CNTN4: variants seen among roughly 807,000 people sequenced by gnomAD.
The protein encoded by CNTN4 is contactin 4, also known as contactin-4.
Under a neutral mutation model 122.5 loss-of-function variants are expected in CNTN4, and 77 were observed. That is an observed-to-expected ratio of 0.63 (90% CI 0.52 to 0.76). CNTN4 has a LOEUF of 0.76. Ranked by LOEUF, CNTN4 falls within the 30% of genes least tolerant of loss-of-function variation. The pLI is 0.00. For synonymous variants in CNTN4, 512 were observed against 447.0 expected, an observed-to-expected ratio of 1.15 and a Z score of -1.83; for missense variants, 1,256 against 1,259.1, an observed-to-expected ratio of 1.00 and a Z score of 0.04.
intron 2 of CNTN4, among the ~76,000 whole-genome samples, chr3:2,338,774 C>G (rs532194988): frequency 6.6e-6 from 1 of 151,888 alleles, no homozygotes; most frequent in Non-Finnish European, 1.5e-5. Flanking sequence ...ATTCATATAC[C>G]TAACAAAAAC....
At chr3:2,153,299 T>C (rs911752089) in intron 2 of CNTN4, among the ~76,000 whole-genome samples, 1 of 152,104 alleles carries the variant, frequency 6.6e-6, no homozygotes, top group Non-Finnish European at 1.5e-5. Flanking sequence ...ATCATTACAA[T>C]GTCTGGAAGA....
chr3:2,520,972 A>T (rs1188253541), intron 3 of CNTN4, among the ~76,000 whole-genome samples: 1 of 152,142 alleles, frequency 6.6e-6, no homozygotes, highest in Non-Finnish European at 1.5e-5. Context: ...AAACAAAATT[A>T]CTACCCTTAC....
chr3:2,291,017 A>G (rs2042112932), intron 2 of CNTN4, among the ~76,000 whole-genome samples: 1 of 152,330 alleles, frequency 6.6e-6, no homozygotes, highest in East Asian at 1.9e-4. Context: ...CCAACTATAT[A>G]TATTGAGTGT....
chr3:2,203,730 T>C (rs1469056168), intron 2 of CNTN4, among the ~76,000 whole-genome samples: 2 of 152,100 alleles, frequency 1.3e-5, no homozygotes, highest in Admixed American at 1.3e-4. Flanking sequence ...CTAGAACATA[T>C]CCAGGTACAT....
At chr3:2,185,789 G>A (rs948828445) in intron 2 of CNTN4, among the ~76,000 whole-genome samples, 4 of 152,106 alleles carry the variant, frequency 2.6e-5, no homozygotes, top group Non-Finnish European at 5.9e-5. Context: ...GAATATTTGG[G>A]AGATTCTAAG....
chr3:2,580,628 G>A (rs1271799922), intron 4 of CNTN4, among the ~76,000 whole-genome samples: 2 of 152,074 alleles, frequency 1.3e-5, no homozygotes, highest in Non-Finnish European at 2.9e-5. Flanking sequence ...GGATGATGTA[G>A]CCCCACTTAA....
At chr3:2,338,844 C>T (rs1575409979) in intron 2 of CNTN4, among the ~76,000 whole-genome samples, 1 of 152,210 alleles carries the variant, frequency 6.6e-6, no homozygotes, top group South Asian at 2.1e-4. Flanking sequence ...AATGTACCCT[C>T]TTAAGAAATT....
chr3:2,756,913 A>G (rs543058806), intron 6 of CNTN4, among the ~76,000 whole-genome samples: 5 of 152,240 alleles, frequency 3.3e-5, no homozygotes, highest in African/African-American at 1.2e-4. Context: ...TTTTTAAGCC[A>G]TTCAATCTGT....
In CNTN4 at chr3:3,040,277, G is replaced by C; in HGVS notation, c.2398+6G>C. On this transcript the variant is annotated splice_donor_region_variant and intron_variant, in intron 20 of 24. Coordinates refer to ENST00000418658, the MANE Select transcript of CNTN4 (RefSeq NM_175607.3). ...GGTGTATTCTGCAGAAGAAGGTATC[G>C]TTTATGCTGCCTAGATCATTGACTG... is the stretch of plus-strand genomic sequence containing the variant. 6.4e-7 allele frequency: 1 copy of C among 1,572,454 alleles called. No homozygotes were observed. The highest frequency in any genetic ancestry group is 1.3e-5 in the African/African-American group (1 of 74,236).
At chr3:2,886,391 G>A (rs983614205) in intron 9 of CNTN4, among the ~76,000 whole-genome samples, 8 of 134,792 alleles carry the variant, frequency 5.9e-5, no homozygotes, top group Admixed American at 1.5e-4. Context: ...GTGATACTCC[G>A]TCTCAAAATA....
intron 3 of CNTN4, among the ~76,000 whole-genome samples, chr3:2,518,982 A>AAT (rs2077120052): frequency 6.6e-6 from 1 of 152,148 alleles, no homozygotes; most frequent in Non-Finnish European, 1.5e-5. Flanking sequence ...AAATAACTAA[A>AAT]ATATATGGGG....
chr3:2,451,723 A>C lies in CNTN4; in HGVS notation c.-89+112490A>C, dbSNP rs368182703. On this transcript the variant is annotated intron_variant, in intron 3 of 24. Coordinates refer to ENST00000418658, the MANE Select transcript of CNTN4 (RefSeq NM_175607.3). Reference sequence around the variant, plus strand: ...TTGAGTTTTTTGCGCTGATGAAGTAAGTATTCCATTTTCATGGTCCCTTCA... The same window carrying C: ...TTGAGTTTTTTGCGCTGATGAAGTACGTATTCCATTTTCATGGTCCCTTCA... Among the ~76,000 whole-genome samples the C allele has an allele frequency of 1.3e-3, 205 of 152,254 alleles. 2 individuals are homozygous for C. In the Middle Eastern group the frequency reaches 0.02, roughly 15 times the overall value.
intron 2 of CNTN4, among the ~76,000 whole-genome samples, chr3:2,316,003 G>A (rs957104676): frequency 6.6e-6 from 1 of 151,756 alleles, no homozygotes; most frequent in Non-Finnish European, 1.5e-5. Flanking sequence ...CTAACTTCTG[G>A]TATTATTTGG....
intron 3 of CNTN4, among the ~76,000 whole-genome samples, chr3:2,482,534 C>T (rs992380629): frequency 6.6e-6 from 1 of 152,132 alleles, no homozygotes; most frequent in Non-Finnish European, 1.5e-5. Flanking sequence ...GGAAACTGTC[C>T]CCAGGGTATG....
chr3:2,162,868 G>C (rs1042410580), intron 2 of CNTN4, among the ~76,000 whole-genome samples: 1 of 152,084 alleles, frequency 6.6e-6, no homozygotes, highest in Non-Finnish European at 1.5e-5. Context: ...AGGCAGAGGC[G>C]GGTGGGTGGC....
rs374844178 is a variant in CNTN4 at position 2,887,117 on chromosome 3, G to C, written c.833G>C (p.Gly278Ala). The stretch of plus-strand genomic sequence containing the variant: ...AAAGCCAGAAGACACAAGTCAAATG[G>C]AATTCTTGAGATCCCTAATTTTCAG... Reference protein sequence around the residue: ...ARKARRHKSNGILEIPNFQQE... With the variant: ...ARKARRHKSNAILEIPNFQQE... Residue 278 changes from glycine to alanine, a missense_variant, in exon 10 of 25, where the codon GGA becomes GCA. Physicochemically the swap from Gly to Ala is moderately conservative, Grantham distance 60. Coordinates refer to ENST00000418658, the MANE Select transcript of CNTN4 (RefSeq NM_175607.3). 15 of 1,614,098 alleles carry C rather than the reference G, an allele frequency of 9.3e-6. No individual in the cohort carries two copies. The highest frequency in any genetic ancestry group is 1.2e-5 in the Non-Finnish European group (14 of 1,180,012).
intron 2 of CNTN4, among the ~76,000 whole-genome samples, chr3:2,169,692 C>T (rs535180129): frequency 2.0e-4 from 30 of 152,182 alleles, no homozygotes; most frequent in Admixed American, 9.2e-4. Flanking sequence ...CCACCGCGCC[C>T]GGCCTAGAAA....
intron 21 of CNTN4, 118 bp downstream of exon 21, chr3:3,042,540 G>A (rs1251086921): frequency 2.7e-6 from 2 of 736,272 alleles, no homozygotes; most frequent in Non-Finnish European, 4.9e-6. Context: ...TTGGTTTTAG[G>A]CCTGGCTTCC....
intron 2 of CNTN4, among the ~76,000 whole-genome samples, chr3:2,262,991 G>A (rs2149762934): frequency 6.6e-6 from 1 of 152,188 alleles, no homozygotes; most frequent in South Asian, 2.1e-4. Context: ...TCCTTGTAAG[G>A]AAAGTTCCCA....
Sources: allele counts gnomAD v4.1 joint callset (sites outside exome capture counted in the v4.1 genomes callset), GRCh38; gene constraint gnomAD v4.1.1; transcripts MANE v1.5; gene names NCBI Gene and HGNC (gene_info 2026-07-23, HGNC 2026-07-21).